FAAH2: variants seen among roughly 807,000 people sequenced by gnomAD.
FAAH2 encodes the protein fatty-acid amide hydrolase 2.
A neutral mutation model predicts 36.9 loss-of-function variants in FAAH2; 60 were observed. That is an observed-to-expected ratio of 1.63 (90% CI 1.32 to 2.02). The LOEUF is 2.02. Among genes scored for constraint, FAAH2 ranks in the 30% most tolerant of loss-of-function variants. The probability of loss-of-function intolerance (pLI) is 0.00; values close to 1 mark genes in which losing one functional copy is unlikely to be tolerated. For synonymous variants in FAAH2, 214 were observed against 143.8 expected, an observed-to-expected ratio of 1.49 and a Z score of -3.49; for missense variants, 689 against 397.5, an observed-to-expected ratio of 1.73 and a Z score of -6.23.
rs192028722 is a variant in FAAH2 at position 57,449,490 on chromosome X, G to C, written c.1423+772G>C. Among the ~76,000 whole-genome samples the C allele has an allele frequency of 3.6e-5, 4 of 112,009 alleles. No individual in the cohort carries two copies. In the East Asian group the frequency reaches 1.1e-3, roughly 32 times the overall value. On this transcript the variant is annotated intron_variant, in intron 10 of 10. Coordinates refer to ENST00000374900, the MANE Select transcript of FAAH2 (RefSeq NM_174912.4). ...AAGTCAGGGTAATCTATGCCTTGCA[G>C]TGTTGCAGTTAAGATTAAATGAAAT...
At chrX:57,475,421 GT>G (rs1445379409) in intron 10 of FAAH2, among the ~76,000 whole-genome samples, 1 of 112,081 alleles carries the variant, frequency 8.9e-6, no homozygotes, top group African/African-American at 3.2e-5. Flanking sequence ...TGGCTAGCCA[GT>G]TTTTTCAGCA....
At chrX:57,290,198 CTTTTTTT>C in intron 1 of FAAH2, 1 of 555,445 alleles carries the variant, frequency 1.8e-6, no homozygotes, top group Non-Finnish European at 2.1e-6. Flanking sequence ...CTAACCCCTG[CTTTTTTT>C]TTTTTTTTTC....
At chrX:57,216,539 TATAC>T in the FAAH2 span, among the ~76,000 whole-genome samples, 5 of 66,302 alleles carry the variant, frequency 7.5e-5, no homozygotes, top group Non-Finnish European at 9.8e-5. Context: ...TATATATATA[TATAC>T]GTATATGTAT....
chrX:57,455,438 T>C (rs921127377), intron 10 of FAAH2, among the ~76,000 whole-genome samples: 13 of 110,691 alleles, frequency 1.2e-4, no homozygotes, highest in Non-Finnish European at 1.9e-4. Flanking sequence ...GATCAAAATC[T>C]CATAAATTAA....
At chrX:57,365,551 G>T (rs1053472172) in intron 5 of FAAH2, among the ~76,000 whole-genome samples, 2 of 111,855 alleles carry the variant, frequency 1.8e-5, no homozygotes, top group Non-Finnish European at 3.8e-5. Context: ...TGGTTGTCTT[G>T]TGTAGTATCT....
Position 57,475,578 on chromosome X carries a change from C to T in FAAH2, c.1424-13179C>T, listed in dbSNP as rs1053484753. On this transcript the variant is annotated intron_variant, in intron 10 of 10. Transcript: ENST00000374900. ...TATCTGTTTTGATACCAGTGCCATG[C>T]TGTTTTGGTTACTGTACCCTTGTAG... 9.0e-5 allele frequency among the ~76,000 whole-genome samples: 10 copies of T among 111,624 alleles called. 1 individual carries two copies. Among genetic ancestry groups the T allele is most frequent in the Non-Finnish European group, 1.9e-4 (10 of 53,116 alleles).
the FAAH2 span, among the ~76,000 whole-genome samples, chrX:57,251,705 T>C: frequency 2.7e-5 from 3 of 111,318 alleles, no homozygotes; most frequent in Non-Finnish European, 5.7e-5. Flanking sequence ...AAAAAAGAAA[T>C]GAAGAAAATC....
intron 5 of FAAH2, among the ~76,000 whole-genome samples, chrX:57,364,648 G>T (rs1292242033): frequency 1.8e-5 from 2 of 109,406 alleles, no homozygotes; most frequent in Non-Finnish European, 3.8e-5. Context: ...TAATGTTAGG[G>T]TATTAATTTG....
the FAAH2 span, among the ~76,000 whole-genome samples, chrX:57,175,058 GA>G: frequency 7.1e-4 from 79 of 111,512 alleles, 1 homozygote; most frequent in Non-Finnish European, 1.2e-3. Flanking sequence ...CAGTTCTTGG[GA>G]AAATATTCTA....
the FAAH2 span, among the ~76,000 whole-genome samples, chrX:57,125,739 T>C: frequency 1.8e-5 from 2 of 112,298 alleles, no homozygotes; most frequent in Admixed American, 1.9e-4. Context: ...TTTTGAATTG[T>C]TTAGTCTCCT....
At chrX:57,216,584 ATATGTATATATATG>A in the FAAH2 span, among the ~76,000 whole-genome samples, 3,018 of 36,132 alleles carry the variant, frequency 0.084, 549 homozygotes, top group African/African-American at 0.31. Flanking sequence ...ATATATATGT[ATATGTATATATATG>A]TATATATATA....
At chrX:57,348,000 G>T (rs1315917705) in intron 5 of FAAH2, among the ~76,000 whole-genome samples, 1 of 110,728 alleles carries the variant, frequency 9.0e-6, no homozygotes, top group Non-Finnish European at 1.9e-5. Flanking sequence ...GACCTCATTG[G>T]GTCTGATTCT....
chrX:57,438,621 T>C (rs1223946062), intron 8 of FAAH2, among the ~76,000 whole-genome samples: 1 of 110,324 alleles, frequency 9.1e-6, no homozygotes, highest in African/African-American at 3.3e-5. Context: ...ATTGTTATAC[T>C]TTAAGTTTTA....
the FAAH2 span, among the ~76,000 whole-genome samples, chrX:57,276,757 C>T: frequency 7.2e-5 from 8 of 111,484 alleles, no homozygotes; most frequent in African/African-American, 2.3e-4. Flanking sequence ...CCACCAATCC[C>T]ACAGAAATAC....
chrX:57,453,636 C>T (rs1227412951), intron 10 of FAAH2, among the ~76,000 whole-genome samples: 1 of 110,969 alleles, frequency 9.0e-6, no homozygotes, highest in Non-Finnish European at 1.9e-5. Flanking sequence ...CCCAAACCCG[C>T]CACTCATAGC....
At chrX:57,137,303 A>G in the FAAH2 span, 16 of 758,360 alleles carry the variant, frequency 2.1e-5, no homozygotes, top group South Asian at 2.0e-4. Flanking sequence ...AGGAGGGTCA[A>G]CAGGCGACTC....
intron 7 of FAAH2, among the ~76,000 whole-genome samples, chrX:57,405,339 G>A (rs766540454): frequency 3.6e-5 from 4 of 111,179 alleles, no homozygotes; most frequent in African/African-American, 1.3e-4. Context: ...CATGCAGTGA[G>A]TGTTATAGCT....
At chrX:57,340,776 A>G (rs2053667170) in intron 4 of FAAH2, among the ~76,000 whole-genome samples, 2 of 110,974 alleles carry the variant, frequency 1.8e-5, no homozygotes, top group African/African-American at 6.6e-5. Flanking sequence ...GTGGGGAACA[A>G]CACACACTTG....
At chrX:57,337,736 G>A (rs1366178501) in intron 4 of FAAH2, among the ~76,000 whole-genome samples, 1 of 111,564 alleles carries the variant, frequency 9.0e-6, no homozygotes, top group Non-Finnish European at 1.9e-5. Flanking sequence ...AATAAACTAG[G>A]TATTGAAGGA....
Sources: gnomAD v4.1 joint callset for allele counts (sites outside exome capture counted in the v4.1 genomes callset) on GRCh38, gnomAD v4.1.1 for gene constraint, MANE v1.5 for transcripts, NCBI Gene and HGNC (gene_info 2026-07-23, HGNC 2026-07-21) for gene names.